The following C12orf42 variants were observed in gnomAD, a reference collection of about 807,000 sequenced individuals.
C12orf42 encodes the protein chromosome 12 open reading frame 42.
In C12orf42, 25 loss-of-function variants were observed where a neutral mutation model predicts 21.6. The observed-to-expected ratio is 1.16, with a 90% CI of 0.84 to 1.62. The LOEUF (loss-of-function observed/expected upper bound fraction) is 1.62. Ranked by LOEUF, C12orf42 falls within the 40% of genes most tolerant of loss-of-function variation. The probability of loss-of-function intolerance (pLI) is 0.00; values close to 1 mark genes in which losing one functional copy is unlikely to be tolerated. For missense variants in C12orf42, 483 were observed against 459.3 expected, an observed-to-expected ratio of 1.05 and a Z score of -0.47; for synonymous variants, 174 against 175.0, an observed-to-expected ratio of 0.99 and a Z score of 0.05.
At chr12:103,345,314 G>T (rs564876985) in intron 4 of C12orf42, among the ~76,000 whole-genome samples, 55 of 152,128 alleles carry the variant, frequency 3.6e-4, no homozygotes, top group Non-Finnish European at 7.4e-4. Flanking sequence ...TTACTCATAG[G>T]ATTCCTGTGA....
the C12orf42 span, among the ~76,000 whole-genome samples, chr12:103,094,031 G>A: frequency 1.3e-5 from 2 of 152,132 alleles, no homozygotes; most frequent in African/African-American, 4.8e-5. Flanking sequence ...AGATATGAGA[G>A]GGATCTGCTC....
chr12:103,534,883 TG>T, the C12orf42 span, among the ~76,000 whole-genome samples: 1 of 152,224 alleles, frequency 6.6e-6, no homozygotes, highest in African/African-American at 2.4e-5. Flanking sequence ...TGTCTTTCCC[TG>T]GGGTAAGTGT....
chr12:103,123,495 C>A, the C12orf42 span, among the ~76,000 whole-genome samples: 2,036 of 152,222 alleles, frequency 0.013, 48 homozygotes, highest in African/African-American at 0.046. Flanking sequence ...TAGACCCTTA[C>A]TCCCTAATCA....
At chr12:103,414,808 G>A (rs138709122) in intron 2 of C12orf42, among the ~76,000 whole-genome samples, 1 of 152,244 alleles carries the variant, frequency 6.6e-6, no homozygotes, top group East Asian at 1.9e-4. Context: ...AGTCGTTCTA[G>A]ACTCAGAATC....
the C12orf42 span, among the ~76,000 whole-genome samples, chr12:103,135,456 C>CAA: frequency 0.026 from 3,820 of 146,528 alleles, 81 homozygotes; most frequent in African/African-American, 0.048. Flanking sequence ...GACACTATCT[C>CAA]AAAAAGAAAA....
At chr12:103,058,234 C>T in the C12orf42 span, among the ~76,000 whole-genome samples, 1 of 152,152 alleles carries the variant, frequency 6.6e-6, no homozygotes, top group Non-Finnish European at 1.5e-5. Context: ...GGATTACAGG[C>T]ATGAGCCACC....
At chr12:103,118,772 T>TA in the C12orf42 span, among the ~76,000 whole-genome samples, 2,114 of 41,586 alleles carry the variant, frequency 0.051, 251 homozygotes, top group African/African-American at 0.07. Context: ...CACTCCAGCC[T>TA]AAAAAAAAAA....
intron 4 of C12orf42, among the ~76,000 whole-genome samples, chr12:103,338,291 T>C (rs2041891822): frequency 6.6e-6 from 1 of 152,232 alleles, no homozygotes. Flanking sequence ...ACCTCCTCTG[T>C]ACAAAGAAGG....
chr12:103,489,624 C>A (rs139009836), intron 1 of C12orf42, among the ~76,000 whole-genome samples: 4,384 of 152,270 alleles, frequency 0.029, 227 homozygotes, highest in African/African-American at 0.1. Flanking sequence ...AGCTTCCCGG[C>A]TGCTTTGTTT....
intron 4 of C12orf42, among the ~76,000 whole-genome samples, chr12:103,311,390 T>C (rs75992200): frequency 2.0e-3 from 297 of 151,926 alleles, no homozygotes; most frequent in Middle Eastern, 6.8e-3. Context: ...TAAGACTAAG[T>C]TGATCAGCTG....
chr12:103,057,322 G>A, the C12orf42 span, among the ~76,000 whole-genome samples: 18 of 151,924 alleles, frequency 1.2e-4, no homozygotes, highest in African/African-American at 4.1e-4. Context: ...ACATGCATTA[G>A]TTATTTGTCC....
At chr12:103,216,355 G>A in the C12orf42 span, among the ~76,000 whole-genome samples, 3 of 151,850 alleles carry the variant, frequency 2.0e-5, no homozygotes. Flanking sequence ...TCTCTCTGGT[G>A]GAGAACAATA....
the C12orf42 span, among the ~76,000 whole-genome samples, chr12:103,056,652 T>A: frequency 6.6e-6 from 1 of 152,168 alleles, no homozygotes. Flanking sequence ...AGTTTGTTTA[T>A]CCTGTCTGTT....
downstream of C12orf42, among the ~76,000 whole-genome samples, chr12:103,298,619 T>A (rs945202201): frequency 2.6e-5 from 4 of 152,028 alleles, no homozygotes; most frequent in African/African-American, 9.7e-5. Context: ...AATCCCAATT[T>A]AACAGCGAAG....
chr12:103,145,450 T>C, the C12orf42 span, among the ~76,000 whole-genome samples: 2 of 152,178 alleles, frequency 1.3e-5, no homozygotes, highest in East Asian at 3.8e-4. Context: ...TTCTATGAAA[T>C]TGACCAACAT....
At chr12:103,108,030 A>G in the C12orf42 span, among the ~76,000 whole-genome samples, 1 of 151,558 alleles carries the variant, frequency 6.6e-6, no homozygotes, top group African/African-American at 2.4e-5. Context: ...GATTAAAGAA[A>G]AAATAGAAGA....
At chr12:103,505,965 G>A in the C12orf42 span, 1 of 167,358 alleles carries the variant, frequency 6.0e-6, no homozygotes, top group Non-Finnish European at 1.3e-5. Flanking sequence ...CCCCCATTGA[G>A]TTTGCTCAGG....
At chr12:103,192,880 T>TAC in the C12orf42 span, among the ~76,000 whole-genome samples, 1 of 151,880 alleles carries the variant, frequency 6.6e-6, no homozygotes, top group Non-Finnish European at 1.5e-5. Flanking sequence ...AACTACACTG[T>TAC]AGAGCAAATG....
the C12orf42 span, among the ~76,000 whole-genome samples, chr12:103,189,994 C>A: frequency 6.6e-6 from 1 of 151,964 alleles, no homozygotes; most frequent in Non-Finnish European, 1.5e-5. Context: ...TACACACACA[C>A]ACACAGAGGA....
Sources: allele counts gnomAD v4.1 joint callset (sites outside exome capture counted in the v4.1 genomes callset), GRCh38; gene constraint gnomAD v4.1.1; transcripts MANE v1.5; gene names NCBI Gene and HGNC (gene_info 2026-07-23, HGNC 2026-07-21).